The following XPC variants were observed in gnomAD, a reference collection of about 807,000 sequenced individuals.
XPC encodes the protein XPC complex subunit, DNA damage recognition and repair factor.
Under a neutral mutation model 95.8 loss-of-function variants are expected in XPC, and 76 were observed. That is an observed-to-expected ratio of 0.79 (90% CI 0.66 to 0.96). The LOEUF (loss-of-function observed/expected upper bound fraction) is 0.96, where lower values mean the gene tolerates loss of function less well. XPC is among the 40% of genes least tolerant of loss of function. The pLI is 0.00. For missense variants in XPC, 1,146 were observed against 1,179.8 expected, an observed-to-expected ratio of 0.97 and a Z score of 0.42; for synonymous variants, 442 against 442.1, an observed-to-expected ratio of 1.00 and a Z score of 0.00.
chr3:14,159,878 A>T (rs778062311), intron 7 of XPC, 48 bp from the exon 8 acceptor site: 52 of 1,505,912 alleles, frequency 3.5e-5, no homozygotes, highest in Non-Finnish European at 4.7e-5. Flanking sequence ...GTAATTAAAG[A>T]TGTAATGAGT....
intron 11 of XPC, 128 bp downstream of exon 11, chr3:14,152,204 AAGT>A: frequency 1.5e-6 from 1 of 681,878 alleles, no homozygotes; most frequent in Non-Finnish European, 2.5e-6. Context: ...CAAGCCGGGA[AAGT>A]GAGACATTTC....
chr3:14,155,858 C>A (rs1695884443), intron 10 of XPC, among the ~76,000 whole-genome samples: 1 of 152,088 alleles, frequency 6.6e-6, no homozygotes, highest in Non-Finnish European at 1.5e-5. Flanking sequence ...GCGCCCGGCC[C>A]ATTTTAACCA....
Position 14,147,917 on chromosome 3 carries a change from C to T in XPC, c.2505G>A (p.Lys835=). ...CTGCATATGCGCTTACCTCCTTCTC[C>T]TTCCTTTCAATGACTGCCTGCTCAT... ...WENEQAVIER[K]EKEKKEKRAL... is the part of the protein sequence containing the mutation. The change falls in exon 14 of 16, where the codon AAG becomes AAA. Residue 835 remains lysine (K), a synonymous_variant. Coordinates refer to ENST00000285021, the MANE Select transcript of XPC (RefSeq NM_004628.5). The T allele has an allele frequency of 3.7e-6, 6 of 1,600,926 alleles. No individual in the cohort carries two copies. The highest frequency in any genetic ancestry group is 5.1e-6 in the Non-Finnish European group (6 of 1,173,136).
In XPC at chr3:14,146,967, G is replaced by A. The variant is rs189102993; in HGVS notation, c.2604+323C>T. Reference sequence around the variant, plus strand: ...ACAGGCACTGGGAACACTGGAAGGCGGAAGGGTGCACCAAATGCAGGACAC... The same window carrying A: ...ACAGGCACTGGGAACACTGGAAGGCAGAAGGGTGCACCAAATGCAGGACAC... On this transcript the variant is annotated intron_variant, in intron 15 of 15. Transcript: ENST00000285021. Among the ~76,000 whole-genome samples the A allele has an allele frequency of 6.3e-4, 96 of 152,328 alleles. 1 individual carries two copies. The highest frequency in any genetic ancestry group is 1.9e-4 in the East Asian group (1 of 5,176).
chr3:14,167,247 C>G lies in XPC; in HGVS notation c.543G>C (p.Lys181Asn), dbSNP rs754972616. The G allele has an allele frequency of 3.7e-6, 6 of 1,611,402 alleles. No individual in the cohort carries two copies. The highest frequency in any genetic ancestry group is 2.7e-5 in the African/African-American group (2 of 74,848). Residue 181 changes from lysine to asparagine, a missense_variant, in exon 5 of 16, where the codon AAG (lysine) becomes AAC (asparagine). Physicochemically the swap from Lys to Asn is moderately conservative, Grantham distance 94. Transcript: ENST00000285021. ...EQAKTRERSE[K>N]IKLEFETYLR... is the part of the protein sequence containing the mutation. ...GATATGTCTCAAACTCCAGTTTTAT[C>G]TTTTCACTGCAACAAATAGTGAAAA...
At chr3:14,149,188 A>G (rs1574950896) in intron 11 of XPC, among the ~76,000 whole-genome samples, 1 of 151,718 alleles carries the variant, frequency 6.6e-6, no homozygotes, top group African/African-American at 2.4e-5. Flanking sequence ...GGTTTAAGCA[A>G]TTCTCCTGCC....
rs1290929366 is a variant in XPC at position 14,150,329 on chromosome 3, G to A, written c.2116-1381C>T. Among the ~76,000 whole-genome samples the A allele has an allele frequency of 2.6e-5, 4 of 152,356 alleles. 1 individual carries two copies. Among genetic ancestry groups the A allele is most frequent in the South Asian group, 4.1e-4 (2 of 4,824 alleles). ...AAGCTTGTTCTGTAAAGGGTCATGC[G>A]TGGCCTCCATCACATATTCTTTATT... On this transcript the variant is annotated intron_variant, in intron 11 of 15. Coordinates refer to ENST00000285021, the MANE Select transcript of XPC (RefSeq NM_004628.5).
intron 7 of XPC, 130 bp downstream of exon 7, chr3:14,164,683 T>C (rs1049457921): frequency 1.6e-5 from 15 of 919,630 alleles, no homozygotes; most frequent in Non-Finnish European, 2.4e-5. Context: ...CTTCAGCAGC[T>C]ATCAACGTCA....
At chr3:14,165,337 G>A in intron 6 of XPC, 91 bp downstream of exon 6, 7 of 1,442,414 alleles carry the variant, frequency 4.9e-6, no homozygotes, top group Non-Finnish European at 6.5e-6. Context: ...ACCGCCTCAG[G>A]GAAGGTCTGT....
chr3:14,173,097 G>T (rs775724543), intron 1 of XPC, 35 bp from the exon 2 acceptor site: 2 of 1,494,046 alleles, frequency 1.3e-6, no homozygotes, highest in Non-Finnish European at 8.9e-7. Context: ...GTGAGGGGTG[G>T]AAGGAAAGGT....
chr3:14,168,488 G>A (rs750799748), intron 3 of XPC, 108 bp from the exon 4 acceptor site: 61 of 1,387,950 alleles, frequency 4.4e-5, no homozygotes, highest in Non-Finnish European at 5.3e-5. Flanking sequence ...AGGCATGAAT[G>A]TGAGGGAGAC....
At chr3:14,157,195 A>C (rs1253045890) in intron 9 of XPC, among the ~76,000 whole-genome samples, 1 of 152,190 alleles carries the variant, frequency 6.6e-6, no homozygotes, top group African/African-American at 2.4e-5. Context: ...GTCATTACTA[A>C]GTAAAATGAA....
intron 4 of XPC, 91 bp from the exon 5 acceptor site, chr3:14,167,344 T>G: frequency 1.8e-6 from 2 of 1,107,114 alleles, no homozygotes; most frequent in Non-Finnish European, 2.6e-6. Context: ...CGGATGACAG[T>G]GAATCACTCT....
At chr3:14,148,048 C>G in intron 13 of XPC, 47 bp from the exon 14 acceptor site, 1 of 1,484,938 alleles carries the variant, frequency 6.7e-7, no homozygotes, top group African/African-American at 1.4e-5. Context: ...GCTGCCTGCT[C>G]TGCCTCTCCT....
chr3:14,169,833 ACT>A (rs1696539266), intron 3 of XPC, among the ~76,000 whole-genome samples: 3 of 152,280 alleles, frequency 2.0e-5, no homozygotes, highest in South Asian at 2.1e-4. Flanking sequence ...TACATTTTTC[ACT>A]CTTTTTATAA....
chr3:14,178,006 C>T (rs1202173351), intron 1 of XPC, among the ~76,000 whole-genome samples: 3 of 152,142 alleles, frequency 2.0e-5, no homozygotes, highest in Non-Finnish European at 4.4e-5. Context: ...CTGCATTGCC[C>T]ATGACAAATG....
intron 6 of XPC, among the ~76,000 whole-genome samples, 182 bp downstream of exon 6, chr3:14,165,246 A>T (rs757328839): frequency 6.6e-6 from 1 of 152,144 alleles, no homozygotes; most frequent in Non-Finnish European, 1.5e-5. Flanking sequence ...TCTCCCCACC[A>T]GTCTGGCAGC....
At chr3:14,154,136 TAAC>T (rs1490238802) in intron 10 of XPC, among the ~76,000 whole-genome samples, 4 of 152,206 alleles carry the variant, frequency 2.6e-5, no homozygotes, top group African/African-American at 9.6e-5. Flanking sequence ...ACACAGAAAG[TAAC>T]AAGTGTCAGT....
chr3:14,173,800 T>C (rs1696706987), intron 1 of XPC, among the ~76,000 whole-genome samples: 1 of 152,158 alleles, frequency 6.6e-6, no homozygotes, highest in Non-Finnish European at 1.5e-5. Context: ...CAGGGAAGGA[T>C]AGTTTTCTAT....
Sources: gnomAD v4.1 joint callset for allele counts (sites outside exome capture counted in the v4.1 genomes callset) on GRCh38, gnomAD v4.1.1 for gene constraint, MANE v1.5 for transcripts, NCBI Gene and HGNC (gene_info 2026-07-23, HGNC 2026-07-21) for gene names.